Variants in RBMS1 observed in about 807,000 individuals in gnomAD.
The protein encoded by RBMS1 is RNA-binding motif, single-stranded-interacting protein 1.
A neutral mutation model predicts 62.3 loss-of-function variants in RBMS1; 17 were observed. The observed-to-expected ratio is 0.27, with a 90% CI of 0.19 to 0.41. The LOEUF is 0.41. Among genes scored for constraint, RBMS1 ranks in the 10% least tolerant of loss-of-function variants. The pLI is 1.00. For synonymous variants in RBMS1, 172 were observed against 170.0 expected, an observed-to-expected ratio of 1.01 and a Z score of -0.09; for missense variants, 334 against 504.5, an observed-to-expected ratio of 0.66 and a Z score of 3.24.
chr2:160,299,432 C>T (rs760713207), intron 6 of RBMS1, among the ~76,000 whole-genome samples: 3 of 152,114 alleles, frequency 2.0e-5, no homozygotes, highest in Admixed American at 6.5e-5. Context: ...CTTGTTTGCA[C>T]GTTTCCCCCC....
chr2:160,491,889 A>G (rs1328962964), intron 1 of RBMS1, among the ~76,000 whole-genome samples: 2 of 152,232 alleles, frequency 1.3e-5, no homozygotes, highest in Non-Finnish European at 2.9e-5. Flanking sequence ...TGCTGCTACC[A>G]TCTTGCTGCT....
chr2:160,366,104 A>T (rs1480529231), intron 2 of RBMS1, among the ~76,000 whole-genome samples: 1 of 152,220 alleles, frequency 6.6e-6, no homozygotes, highest in Non-Finnish European at 1.5e-5. Context: ...AGTTCTCCAG[A>T]TCCTGAAGAG....
chr2:160,319,107 C>A (rs1690397982), intron 2 of RBMS1, among the ~76,000 whole-genome samples: 1 of 152,198 alleles, frequency 6.6e-6, no homozygotes, highest in Non-Finnish European at 1.5e-5. Context: ...CCGAACCCCA[C>A]ACTCTCTCCA....
intron 1 of RBMS1, among the ~76,000 whole-genome samples, chr2:160,411,069 G>C (rs1696012263): frequency 6.6e-6 from 1 of 152,164 alleles, no homozygotes; most frequent in Admixed American, 6.5e-5. Flanking sequence ...AAGGGAAACA[G>C]ACTTTGCTGC....
intron 2 of RBMS1, among the ~76,000 whole-genome samples, chr2:160,344,698 T>C (rs1287228883): frequency 6.6e-6 from 1 of 152,112 alleles, no homozygotes; most frequent in Non-Finnish European, 1.5e-5. Flanking sequence ...TAGCATTCAG[T>C]TCAGACACTA....
chr2:160,309,896 G>A (rs931613867), intron 4 of RBMS1, among the ~76,000 whole-genome samples: 4 of 152,146 alleles, frequency 2.6e-5, no homozygotes, highest in Admixed American at 1.3e-4. Flanking sequence ...TTGCTACTTG[G>A]AGCAGACCTA....
At position 160,457,734 on chromosome 2, in the gene RBMS1, A is replaced by G. The variant is rs140240584; in HGVS notation, c.75+35555T>C. On this transcript the variant is annotated intron_variant, in intron 1 of 13. Coordinates refer to ENST00000348849, the MANE Select transcript of RBMS1 (RefSeq NM_016836.4). ...GAGATTGCTAAATAGGCAACATACA[A>G]TATGTGATCAGCTGGGGAGGGCTGC... Among the ~76,000 whole-genome samples, 3 of 152,252 alleles carry G rather than the reference A, an allele frequency of 2.0e-5. No individual in the cohort carries two copies. In the East Asian group the frequency reaches 5.8e-4, roughly 30 times the overall value.
At chr2:160,425,728 TC>T (rs1419062259) in intron 1 of RBMS1, among the ~76,000 whole-genome samples, 1 of 152,142 alleles carries the variant, frequency 6.6e-6, no homozygotes, top group Non-Finnish European at 1.5e-5. Context: ...AAACTCCTGC[TC>T]TTGATTTTGT....
chr2:160,423,951 T>C (rs1696535952), intron 1 of RBMS1, among the ~76,000 whole-genome samples: 1 of 152,172 alleles, frequency 6.6e-6, no homozygotes, highest in Non-Finnish European at 1.5e-5. Context: ...CCTTGTACAC[T>C]GTTACAACTC....
At chr2:160,323,612 G>GA (rs1213069883) in intron 2 of RBMS1, among the ~76,000 whole-genome samples, 93 of 86,116 alleles carry the variant, frequency 1.1e-3, no homozygotes, top group African/African-American at 2.8e-3. Flanking sequence ...TTTCATGAAA[G>GA]AAAAAAAAAA....
intron 1 of RBMS1, among the ~76,000 whole-genome samples, chr2:160,368,800 T>A (rs921188982): frequency 1.3e-5 from 2 of 152,066 alleles, no homozygotes; most frequent in African/African-American, 4.8e-5. Flanking sequence ...ACACCATGCC[T>A]GGCTAATTTT....
rs139224187 is a variant in RBMS1, at chr2:160,445,004, G to A, written c.75+48285C>T. Among the ~76,000 whole-genome samples, 253 of 152,248 alleles carry A rather than the reference G, an allele frequency of 1.7e-3. 1 individual carries two copies. Among genetic ancestry groups the A allele is most frequent in the African/African-American group, 5.9e-3 (243 of 41,532 alleles). ...CTATGGTATCTTGTTATGGCAGCCC[G>A]AGCAGACTAATCAATCCACTCTGGA... is the stretch of plus-strand genomic sequence containing the variant. On this transcript the variant is annotated intron_variant, in intron 1 of 13. Coordinates refer to ENST00000348849, the MANE Select transcript of RBMS1 (RefSeq NM_016836.4).
At chr2:160,287,465 T>A (rs557917488) in intron 6 of RBMS1, among the ~76,000 whole-genome samples, 2 of 152,312 alleles carry the variant, frequency 1.3e-5, no homozygotes, top group South Asian at 4.1e-4. Context: ...CTTAAAATGG[T>A]CCCTTAGCGT....
chr2:160,448,706 C>T (rs1010659394), intron 1 of RBMS1, among the ~76,000 whole-genome samples: 3 of 152,272 alleles, frequency 2.0e-5, no homozygotes, highest in Non-Finnish European at 2.9e-5. Context: ...AGCCTCTGCC[C>T]GGCCGCCAAC....
intron 2 of RBMS1, among the ~76,000 whole-genome samples, chr2:160,349,041 A>T (rs1692338879): frequency 6.6e-6 from 1 of 152,162 alleles, no homozygotes; most frequent in African/African-American, 2.4e-5. Context: ...ATCACAGAGC[A>T]GAAAGGAATC....
At chr2:160,374,236 C>G (rs964326508) in intron 1 of RBMS1, among the ~76,000 whole-genome samples, 6 of 152,152 alleles carry the variant, frequency 3.9e-5, no homozygotes, top group African/African-American at 1.4e-4. Context: ...GCCTGGGTAA[C>G]AGAGCGAGAC....
rs1574106084 is a variant in RBMS1, at chr2:160,475,858, C to A, written c.75+17431G>T. On this transcript the variant is annotated intron_variant, in intron 1 of 13. Coordinates refer to ENST00000348849, the MANE Select transcript of RBMS1 (RefSeq NM_016836.4). Reference sequence around the variant, plus strand: ...TACTAATAGAGTAGAATGGGCCCCCCATTTTTTTTTTTTTTTGAGAAGGGT... The same window carrying A: ...TACTAATAGAGTAGAATGGGCCCCCAATTTTTTTTTTTTTTTGAGAAGGGT... Among the ~76,000 whole-genome samples the A allele has an allele frequency of 6.4e-5, 8 of 124,550 alleles. No individual in the cohort carries two copies. The South Asian group carries it at 1.7e-3, about 26-fold the overall frequency. The allele number at this position is 124,550 out of a possible 152,430, so 81.7% of individuals were successfully genotyped here. A position where few individuals can be genotyped will look rare whatever the true frequency, so the allele number is the denominator to read the frequency against.
chr2:160,447,567 C>A (rs1280356042), intron 1 of RBMS1, among the ~76,000 whole-genome samples: 1 of 152,176 alleles, frequency 6.6e-6, no homozygotes, highest in Non-Finnish European at 1.5e-5. Context: ...TGAAATTCTG[C>A]ATATTTACTT....
chr2:160,435,582 T>C (rs1683076132), intron 1 of RBMS1, among the ~76,000 whole-genome samples: 1 of 152,236 alleles, frequency 6.6e-6, no homozygotes, highest in South Asian at 2.1e-4. Context: ...TAGGCTTTTC[T>C]TTGTATTTTG....
Sources: allele counts gnomAD v4.1 joint callset (sites outside exome capture counted in the v4.1 genomes callset), GRCh38; gene constraint gnomAD v4.1.1; transcripts MANE v1.5; gene names NCBI Gene and HGNC (gene_info 2026-07-23, HGNC 2026-07-21).